The following SPTBN5 variants were observed in gnomAD, a reference collection of about 807,000 sequenced individuals.
SPTBN5 encodes the protein spectrin beta chain, non-erythrocytic 5.
A neutral mutation model predicts 477.6 loss-of-function variants in SPTBN5; 513 were observed. That is an observed-to-expected ratio of 1.07 (90% CI 1.00 to 1.16). The LOEUF (loss-of-function observed/expected upper bound fraction) is 1.16. Among genes scored for constraint, SPTBN5 ranks in the 50% most tolerant of loss-of-function variants. The pLI is 0.00. For synonymous variants in SPTBN5, 2,169 were observed against 2,011.7 expected, an observed-to-expected ratio of 1.08 and a Z score of -2.09; for missense variants, 5,062 against 4,731.8, an observed-to-expected ratio of 1.07 and a Z score of -2.05.
chr15:41,866,775 G>A (rs943658364), intron 36 of SPTBN5, among the ~76,000 whole-genome samples, 184 bp downstream of exon 36: 2 of 152,172 alleles, frequency 1.3e-5, no homozygotes, highest in South Asian at 2.1e-4. Flanking sequence ...GCTAGAGCTC[G>A]GGACACTGGT....
At chr15:41,861,582 G>A in intron 45 of SPTBN5, 86 bp from the exon 46 acceptor site, 5 of 1,546,270 alleles carry the variant, frequency 3.2e-6, no homozygotes, top group Non-Finnish European at 4.5e-6. Flanking sequence ...CACAGGTTAG[G>A]GAACCAGGGT....
intron 27 of SPTBN5, 72 bp downstream of exon 27, chr15:41,872,230 C>T: frequency 1.3e-6 from 2 of 1,531,528 alleles, no homozygotes; most frequent in Non-Finnish European, 1.8e-6. Context: ...GACTTTGGGC[C>T]ATGGCATGGG....
In SPTBN5 at chr15:41,853,651, T is replaced by TGGGCCTTCGCCTGCAGGGTGGCCC. The variant is rs1379160038; in HGVS notation, c.9887_9910dup (p.Ala3303_Gln3304insArgAlaThrLeuGlnAlaLysAla). The TGGGCCTTCGCCTGCAGGGTGGCCC allele has an allele frequency of 6.3e-7, 1 of 1,598,106 alleles. No individual in the cohort carries two copies. The highest frequency in any genetic ancestry group is 1.3e-5 in the African/African-American group (1 of 74,794). ...CTGCGCCAGCCACTGGCCTCGCTCC[T>TGGGCCTTCGCCTGCAGGGTGGCCC]GGGCCTTCGCCTGCAGGGTGGCCCA... On this transcript the variant is annotated inframe_insertion, in exon 58 of 68. Coordinates refer to ENST00000320955, the MANE Select transcript of SPTBN5 (RefSeq NM_016642.4).
In SPTBN5 at chr15:41,886,110, C is replaced by T. The variant is rs745375900; in HGVS notation, c.1145G>A (p.Arg382His). Residue 382 changes from arginine (R) to histidine (H), a missense_variant, in exon 7 of 68, where the codon CGC (arginine) becomes CAC (histidine). By Grantham distance (29) the Arg-to-His change is conservative (BLOSUM62 0). Transcript: ENST00000320955. Reference protein sequence around the residue: ...RLQTALQAQNRRPFLPHEGLG... With the variant: ...RLQTALQAQNHRPFLPHEGLG... Reference sequence around the variant, plus strand: ...GCCCTCATGAGGCAGGAAGGGCCTGCGGTTCTGGGCTTGGAGTGCTGTCTG... The same window carrying T: ...GCCCTCATGAGGCAGGAAGGGCCTGTGGTTCTGGGCTTGGAGTGCTGTCTG... 37 of 1,609,180 alleles carry T rather than the reference C, an allele frequency of 2.3e-5. No homozygotes were observed. The highest frequency in any genetic ancestry group is 2.6e-5 in the Non-Finnish European group (31 of 1,177,534).
chr15:41,878,024 G>C (rs79057802), intron 17 of SPTBN5, among the ~76,000 whole-genome samples: 17 of 151,798 alleles, frequency 1.1e-4, no homozygotes, highest in South Asian at 4.1e-4. Flanking sequence ...AGGACGGCAG[G>C]GGGGGCTAGA....
At chr15:41,873,690 C>A in intron 25 of SPTBN5, 82 bp from the exon 26 acceptor site, 1 of 1,459,872 alleles carries the variant, frequency 6.8e-7, no homozygotes, top group Non-Finnish European at 9.3e-7. Context: ...CCCTGCTCTC[C>A]AGCATCAAAG....
rs369725644 is a variant in SPTBN5 at position 41,879,338 on chromosome 15, C to T, written c.3104G>A (p.Cys1035Tyr). The change falls in exon 16 of 68, where the codon TGC becomes TAC. Residue 1035 changes from cysteine (C) to tyrosine (Y), a missense_variant. Transcript: ENST00000320955. ...CTTCTGGGCCAGCTGCAGGGCGTGG[C>T]AGGTGTCCTCTGAGCTCCCTGGCTG... Reference protein sequence around the residue: ...ALQPGSSEDTCHALQLAQKKT... With the variant: ...ALQPGSSEDTYHALQLAQKKT... 132 of 1,610,208 alleles carry T rather than the reference C, an allele frequency of 8.2e-5. No individual in the cohort carries two copies. In the African/African-American group the frequency reaches 1.1e-3, roughly 14 times the overall value.
rs959753325 is a variant in SPTBN5, at chr15:41,852,195, G to A, written c.10571C>T (p.Thr3524Met). Residue 3524 changes from threonine (T) to methionine (M), a missense_variant, in exon 62 of 68, where the codon ACG (threonine) becomes ATG (methionine). Transcript: ENST00000320955. ...AGGGACACCTGCCTGGGGGTCCCTC[G>A]TCTCAGCCAGCTGTGCTCCTAGCCC... is the stretch of plus-strand genomic sequence containing the variant. ...HQGLGAQLAE[T>M]RDPQDAKGTP... 3.1e-5 allele frequency: 50 copies of A among 1,596,344 alleles called. No individual in the cohort carries two copies. The Middle Eastern group carries it at 5.2e-4, about 17-fold the overall frequency.
Position 41,866,072 on chromosome 15 carries a change from C to A in SPTBN5, c.6788G>T (p.Arg2263Ile). ...GATCCAGGCCTCTGCAAGGTCCACT[C>A]TCTGCAGGAACTCCAGGAAGTTCCG... ...DRRNFLEFLQ[R>I]VDLAEAWIQE... The change falls in exon 38 of 68, where the codon AGA (arginine) becomes ATA (isoleucine). Residue 2263 changes from arginine to isoleucine, a missense_variant. Physicochemically the swap from Arg to Ile is moderately conservative, Grantham distance 97. Coordinates refer to ENST00000320955, the MANE Select transcript of SPTBN5 (RefSeq NM_016642.4). 1 of 1,556,644 alleles carries A rather than the reference C, an allele frequency of 6.4e-7. No individual in the cohort carries two copies. Among genetic ancestry groups the A allele is most frequent in the Non-Finnish European group, 8.7e-7 (1 of 1,150,586 alleles).
intron 63 of SPTBN5, 63 bp from the exon 64 acceptor site, chr15:41,851,432 C>T: frequency 1.7e-6 from 2 of 1,185,018 alleles, no homozygotes; most frequent in African/African-American, 1.5e-5. Context: ...TAGGGCCTGT[C>T]CACGCCTCAC....
At chr15:41,854,526 C>T (rs1397066950) in intron 56 of SPTBN5, among the ~76,000 whole-genome samples, 1 of 152,040 alleles carries the variant, frequency 6.6e-6, no homozygotes, top group African/African-American at 2.4e-5. Context: ...GCAGTACCAC[C>T]TGCAGTGCCT....
rs373683163 is a variant in SPTBN5, at chr15:41,868,041, C to T, written c.6207+28G>A. ...TAGAAAGGAGGAGCAGGAGGCTGAG[C>T]GGAGTGTGAGGGCGGGAGGGGACCT... On this transcript the variant is annotated intron_variant, in intron 34 of 67. Transcript: ENST00000320955. The T allele has an allele frequency of 5.6e-5, 88 of 1,579,952 alleles. 1 individual carries two copies. The African/African-American group carries it at 7.0e-4, about 13-fold the overall frequency.
chr15:41,868,037 T>C, intron 34 of SPTBN5, 32 bp downstream of exon 34: 2 of 1,577,486 alleles, frequency 1.3e-6, no homozygotes, highest in South Asian at 1.1e-5. Flanking sequence ...AGCAGGAGGC[T>C]GAGCGGAGTG....
chr15:41,848,845 G>A (rs568581898), intron 67 of SPTBN5, among the ~76,000 whole-genome samples: 18 of 152,276 alleles, frequency 1.2e-4, no homozygotes, highest in African/African-American at 2.2e-4. Context: ...CCAACTCTAC[G>A]TCTGTCAGCT....
In SPTBN5 at chr15:41,862,822, G is replaced by A. The variant is rs758580059; in HGVS notation, c.7231C>T (p.Arg2411Trp). ...RLLRKHEELE[R>W]EVHPIQAQVE... is the part of the protein sequence containing the mutation. The stretch of plus-strand genomic sequence containing the variant: ...TGGGCCTGGATGGGGTGCACTTCCC[G>A]CTCCAGCTCCTCGTGTTTCCGCAGC... Residue 2411 changes from arginine to tryptophan, a missense_variant, in exon 42 of 68, where the codon CGG becomes TGG. Coordinates refer to ENST00000320955, the MANE Select transcript of SPTBN5 (RefSeq NM_016642.4). 2.9e-5 allele frequency: 46 copies of A among 1,584,070 alleles called. No individual in the cohort carries two copies. The East Asian group carries it at 3.7e-4, about 13-fold the overall frequency.
At chr15:41,848,709 C>T in intron 67 of SPTBN5, 81 bp from the exon 68 acceptor site, 1 of 1,531,390 alleles carries the variant, frequency 6.5e-7, no homozygotes, top group South Asian at 1.1e-5. Flanking sequence ...GGTGCCCCTG[C>T]CCTCCCCTGG....
chr15:41,865,164 C>T lies in SPTBN5; in HGVS notation c.6918+644G>A, dbSNP rs551353269. On this transcript the variant is annotated intron_variant, in intron 39 of 67. Coordinates refer to ENST00000320955, the MANE Select transcript of SPTBN5 (RefSeq NM_016642.4). ...GGTCTTTAACACCTGATTGTCAATA[C>T]ATTTGCCATTTTTTTCCCCTGTATA... Among the ~76,000 whole-genome samples the T allele has an allele frequency of 5.1e-4, 78 of 152,296 alleles. 4 individuals carry two copies. The South Asian group carries it at 0.016, about 30-fold the overall frequency.
intron 34 of SPTBN5, 145 bp downstream of exon 34, chr15:41,867,924 C>T (rs2066386868): frequency 8.5e-7 from 1 of 1,181,366 alleles, no homozygotes; most frequent in African/African-American, 1.5e-5. Flanking sequence ...CAGCACTTCA[C>T]CATGGCCACC....
chr15:41,888,188 C>T, intron 4 of SPTBN5, 103 bp from the exon 5 acceptor site: 1 of 1,205,326 alleles, frequency 8.3e-7, no homozygotes. Context: ...GGATCCTGCT[C>T]CTCCCTGGCC....
Sources: gnomAD v4.1 joint callset for allele counts (sites outside exome capture counted in the v4.1 genomes callset) on GRCh38, gnomAD v4.1.1 for gene constraint, MANE v1.5 for transcripts, NCBI Gene and HGNC (gene_info 2026-07-23, HGNC 2026-07-21) for gene names.